CSMD1: variants seen among roughly 807,000 people sequenced by gnomAD.
CSMD1 encodes the protein CUB and Sushi multiple domains 1, also known as CUB and sushi domain-containing protein 1.
A neutral mutation model predicts 417.5 loss-of-function variants in CSMD1; 213 were observed. That is an observed-to-expected ratio of 0.51 (90% CI 0.46 to 0.57). CSMD1 has a LOEUF of 0.57. CSMD1 is among the 20% of genes least tolerant of loss of function. The probability of loss-of-function intolerance (pLI) is 0.00; values close to 1 mark genes in which losing one functional copy is unlikely to be tolerated. For missense variants in CSMD1, 6,923 were observed against 4,529.7 expected (o/e 1.53, Z -15.17); for synonymous variants, 2,862 against 1,736.8 (o/e 1.65, Z -16.11).
chr8:4,598,303 A>G (rs1265838997), intron 2 of CSMD1, among the ~76,000 whole-genome samples: 3 of 152,176 alleles, frequency 2.0e-5, no homozygotes, highest in Non-Finnish European at 4.4e-5. Context: ...TGAATTACGA[A>G]TACTATGCTG....
intron 1 of CSMD1, among the ~76,000 whole-genome samples, chr8:4,931,756 A>G (rs1225404412): frequency 6.6e-6 from 1 of 152,200 alleles, no homozygotes; most frequent in Non-Finnish European, 1.5e-5. Flanking sequence ...CAATTTGGAG[A>G]GAATGGCTAC....
chr8:4,484,098 C>T (rs944932158), intron 2 of CSMD1, among the ~76,000 whole-genome samples: 1 of 151,254 alleles, frequency 6.6e-6, no homozygotes, highest in Non-Finnish European at 1.5e-5. Context: ...GTCTGTTAAA[C>T]AGGAGAGCTG....
At chr8:4,455,644 A>T (rs959950348) in intron 2 of CSMD1, among the ~76,000 whole-genome samples, 2 of 151,878 alleles carry the variant, frequency 1.3e-5, no homozygotes, top group African/African-American at 4.8e-5. Flanking sequence ...ATAAAACGCA[A>T]TTGAGGCCAG....
intron 1 of CSMD1, among the ~76,000 whole-genome samples, chr8:4,720,788 C>T (rs2116907621): frequency 6.6e-6 from 1 of 152,252 alleles, no homozygotes; most frequent in Admixed American, 6.5e-5. Flanking sequence ...TACTTTGTGA[C>T]TTAGAATTCC....
chr8:4,943,637 T>A (rs1461631053), intron 1 of CSMD1, among the ~76,000 whole-genome samples: 2 of 152,256 alleles, frequency 1.3e-5, no homozygotes, highest in Non-Finnish European at 2.9e-5. Context: ...TGATGATTTA[T>A]ACTATGTTGT....
At chr8:4,303,025 C>CT (rs1238868893) in intron 3 of CSMD1, among the ~76,000 whole-genome samples, 8 of 152,136 alleles carry the variant, frequency 5.3e-5, no homozygotes, top group Admixed American at 5.2e-4. Flanking sequence ...AGGAATGGCA[C>CT]TTTTGTGTTT....
chr8:3,068,643 C>T (rs1183705750), intron 49 of CSMD1, among the ~76,000 whole-genome samples: 1 of 152,146 alleles, frequency 6.6e-6, no homozygotes, highest in African/African-American at 2.4e-5. Flanking sequence ...ATCTTTCAAA[C>T]ATGGCAGAAG....
intron 1 of CSMD1, among the ~76,000 whole-genome samples, chr8:4,937,730 G>C (rs1207196139): frequency 6.6e-6 from 1 of 152,052 alleles, no homozygotes; most frequent in Non-Finnish European, 1.5e-5. Context: ...CGCCTGAGCA[G>C]AGTAAGATAA....
chr8:3,783,664 C>T (rs145968153), intron 5 of CSMD1, among the ~76,000 whole-genome samples: 6 of 152,316 alleles, frequency 3.9e-5, no homozygotes, highest in African/African-American at 1.4e-4. Context: ...GGTTGAAGCA[C>T]CCTGCTGCTG....
chr8:4,518,282 C>T (rs987398645), intron 2 of CSMD1, among the ~76,000 whole-genome samples: 1 of 151,972 alleles, frequency 6.6e-6, no homozygotes, highest in South Asian at 2.1e-4. Context: ...CGACGCCCAG[C>T]AGCAGCAGCA....
chr8:3,534,518 C>CAAAAAAAA (rs566979953), intron 10 of CSMD1, among the ~76,000 whole-genome samples: 1 of 86,552 alleles, frequency 1.2e-5, no homozygotes. Flanking sequence ...TTCTCAATTA[C>CAAAAAAAA]AAAAAAAAAA....
At position 4,325,920 on chromosome 8, in the gene CSMD1, G is replaced by T. The variant is rs558732754; in HGVS notation, c.415+94033C>A. ...AGAATATAATAGAGCAGATTTACAT[G>T]CTGGCTGGGGCACCTTTTTCTGTTC... On this transcript the variant is annotated intron_variant, in intron 3 of 69. Transcript: ENST00000635120. 2.6e-5 allele frequency among the ~76,000 whole-genome samples: 4 copies of T among 152,232 alleles called. No homozygotes were observed. In the South Asian group the frequency reaches 8.3e-4, roughly 32 times the overall value.
chr8:3,091,427 A>C, intron 48 of CSMD1, 89 bp downstream of exon 48: 1 of 936,422 alleles, frequency 1.1e-6, no homozygotes, highest in Non-Finnish European at 1.5e-6. Context: ...TTAGGATTAT[A>C]CTATAAATTT....
chr8:3,703,559 G>C (rs577541723), intron 7 of CSMD1, among the ~76,000 whole-genome samples: 141 of 152,206 alleles, frequency 9.3e-4, no homozygotes, highest in Middle Eastern at 3.4e-3. Context: ...GTGGGTCATG[G>C]ATGGGAAAAC....
At chr8:3,677,257 G>C (rs564540135) in intron 7 of CSMD1, among the ~76,000 whole-genome samples, 1 of 152,104 alleles carries the variant, frequency 6.6e-6, no homozygotes, top group East Asian at 1.9e-4. Context: ...AGCATGCATC[G>C]AAAATTTCTC....
chr8:3,743,605 A>C (rs1796923297), intron 6 of CSMD1, among the ~76,000 whole-genome samples: 1 of 152,170 alleles, frequency 6.6e-6, no homozygotes, highest in Non-Finnish European at 1.5e-5. Flanking sequence ...CAAGCTGGGA[A>C]CTAGGTCTCG....
intron 2 of CSMD1, among the ~76,000 whole-genome samples, chr8:4,556,878 A>C (rs1798119658): frequency 1.3e-5 from 2 of 152,204 alleles, no homozygotes; most frequent in Non-Finnish European, 2.9e-5. Context: ...CAATGATTCC[A>C]AACTCCCTGC....
intron 29 of CSMD1, among the ~76,000 whole-genome samples, chr8:3,218,105 A>C (rs1165842315): frequency 1.3e-5 from 2 of 152,122 alleles, no homozygotes; most frequent in Non-Finnish European, 2.9e-5. Context: ...TTTTCCTTGG[A>C]TGTTAGTGGC....
intron 1 of CSMD1, among the ~76,000 whole-genome samples, chr8:4,882,687 G>A: frequency 6.6e-6 from 1 of 151,946 alleles, no homozygotes; most frequent in East Asian, 1.9e-4. Context: ...CATTTGATGT[G>A]CCGTTTATTT....
Sources: allele counts gnomAD v4.1 joint callset (sites outside exome capture counted in the v4.1 genomes callset), GRCh38; gene constraint gnomAD v4.1.1; transcripts MANE v1.5; gene names NCBI Gene and HGNC (gene_info 2026-07-23, HGNC 2026-07-21).